Variants in CCNH observed in about 807,000 individuals in gnomAD.
CCNH encodes cyclin-H.
In CCNH, 31 loss-of-function variants were observed where a neutral mutation model predicts 41.9. The ratio of observed to expected loss-of-function variants is 0.74; its 90% CI spans 0.56 to 1.00. The LOEUF is 1.00. CCNH is among the 50% of genes least tolerant of loss of function. The pLI is 0.00. For synonymous variants in CCNH, 138 were observed against 136.1 expected, an observed-to-expected ratio of 1.01 and a Z score of -0.10; for missense variants, 362 against 388.4, an observed-to-expected ratio of 0.93 and a Z score of 0.57.
At chr5:87,324,942 T>C (rs1757112644) in intron 9 of CCNH, among the ~76,000 whole-genome samples, 1 of 152,196 alleles carries the variant, frequency 6.6e-6, no homozygotes, top group African/African-American at 2.4e-5. Context: ...AATCAGTTGC[T>C]TTTTTAATTT....
intron 9 of CCNH, among the ~76,000 whole-genome samples, chr5:87,335,194 T>G (rs1187361385): frequency 1.3e-5 from 2 of 152,116 alleles, no homozygotes; most frequent in Admixed American, 1.3e-4. Flanking sequence ...GCTGTTACTT[T>G]TGTGCACACC....
At chr5:87,349,648 G>C (rs1479054705) in intron 9 of CCNH, among the ~76,000 whole-genome samples, 1 of 151,822 alleles carries the variant, frequency 6.6e-6, no homozygotes, top group Non-Finnish European at 1.5e-5. Context: ...TGTGTTATCT[G>C]TAGGAGGAGC....
At chr5:87,379,664 C>T (rs985867892), upstream of CCNH, 1 of 1,570,450 alleles carries the variant, frequency 6.4e-7, no homozygotes, top group East Asian at 2.3e-5. Flanking sequence ...ACTATAACTA[C>T]TTGTTTTCCT....
chr5:87,389,459 T>C (rs369796839), downstream of CCNH: 11 of 1,614,204 alleles, frequency 6.8e-6, no homozygotes, highest in Admixed American at 3.3e-5. Context: ...TTTAGCAGCA[T>C]TGCATGAGAT....
downstream of CCNH, chr5:87,372,249 G>C: frequency 1.3e-6 from 2 of 1,508,838 alleles, no homozygotes; most frequent in Non-Finnish European, 1.8e-6. Context: ...CTAACACTTT[G>C]CTCTTTTTAT....
At chr5:87,322,848 G>A (rs2112341134) in intron 9 of CCNH, among the ~76,000 whole-genome samples, 1 of 152,158 alleles carries the variant, frequency 6.6e-6, no homozygotes, top group East Asian at 1.9e-4. Context: ...AGGAATCAAA[G>A]TTGCTTTTGA....
chr5:87,328,086 A>G (rs1432277223), intron 9 of CCNH, among the ~76,000 whole-genome samples: 1 of 152,154 alleles, frequency 6.6e-6, no homozygotes, highest in Non-Finnish European at 1.5e-5. Context: ...ATTTTTCAAC[A>G]TTGTTTTATG....
chr5:87,321,142 G>A (rs1580254881), intron 9 of CCNH, among the ~76,000 whole-genome samples: 1 of 152,184 alleles, frequency 6.6e-6, no homozygotes, highest in Admixed American at 6.5e-5. Flanking sequence ...AATGGAAAAC[G>A]AGAATAATTT....
downstream of CCNH, among the ~76,000 whole-genome samples, chr5:87,373,500 T>C (rs866840809): frequency 1.3e-5 from 2 of 152,226 alleles, no homozygotes; most frequent in Middle Eastern, 3.4e-3. Context: ...GTAATACTTA[T>C]TACAACCTGT....
rs1011383896 is a variant in CCNH at position 87,362,576 on chromosome 5, C to T, written c.*90+30194G>A. ...GATCAAGAACAAGTACTCAATGACACAGTGGATGGCAAGGAAATCTATAAT... is the reference window on the plus strand; with the variant it reads ...GATCAAGAACAAGTACTCAATGACATAGTGGATGGCAAGGAAATCTATAAT... On this transcript the variant is annotated intron_variant and NMD_transcript_variant, in intron 9 of 9. Coordinates refer to the CCNH transcript ENST00000645953. 1 of 1,594,478 alleles carries T rather than the reference C, an allele frequency of 6.3e-7. No homozygotes were observed. Among genetic ancestry groups the T allele is most frequent in the Non-Finnish European group, 8.6e-7 (1 of 1,162,386 alleles).
chr5:87,339,889 A>G (rs1191760503), intron 9 of CCNH, among the ~76,000 whole-genome samples: 3 of 152,102 alleles, frequency 2.0e-5, no homozygotes, highest in Non-Finnish European at 4.4e-5. Context: ...CCATTTGGAC[A>G]TTGTCTAGTC....
At chr5:87,376,262 A>G (rs1761320488) in exon 1 of CCNH, 12 of 994,998 alleles carry the variant, frequency 1.2e-5, no homozygotes, top group Non-Finnish European at 1.7e-5. Flanking sequence ...TGAATTTGTG[A>G]TGTTACTGAA....
At chr5:87,356,937 C>T (rs188068799) in intron 9 of CCNH, among the ~76,000 whole-genome samples, 15 of 152,172 alleles carry the variant, frequency 9.9e-5, no homozygotes, top group Admixed American at 9.2e-4. Flanking sequence ...TTTTTGTTTG[C>T]ATTGTTTTTT....
At chr5:87,381,518 C>T (rs190773546), upstream of CCNH, among the ~76,000 whole-genome samples, 29 of 152,280 alleles carry the variant, frequency 1.9e-4, 1 homozygote, top group East Asian at 4.6e-3. Flanking sequence ...CATTATTACA[C>T]AGTTTGTTTT....
chr5:87,370,855 G>A (rs1486769468), intron 9 of CCNH, among the ~76,000 whole-genome samples: 1 of 152,068 alleles, frequency 6.6e-6, no homozygotes, highest in African/African-American at 2.4e-5. Context: ...CTAGATCCTA[G>A]CGTGAGACTC....
At chr5:87,395,145 C>T in intron 7 of CCNH, 41 bp from the exon 8 acceptor site, 1 of 1,564,346 alleles carries the variant, frequency 6.4e-7, no homozygotes, top group Non-Finnish European at 8.7e-7. Context: ...CAATACCAGC[C>T]ACAGAAACTA....
intron 9 of CCNH, among the ~76,000 whole-genome samples, chr5:87,332,018 T>C (rs755920795): frequency 6.6e-6 from 1 of 152,166 alleles, no homozygotes; most frequent in Non-Finnish European, 1.5e-5. Context: ...AAAAATCATC[T>C]AATGCATATA....
At chr5:87,332,666 T>C in intron 9 of CCNH, 1 of 1,589,836 alleles carries the variant, frequency 6.3e-7, no homozygotes, top group Non-Finnish European at 8.6e-7. Flanking sequence ...ATAAAATATC[T>C]TTCAAAACTT....
intron 9 of CCNH, among the ~76,000 whole-genome samples, chr5:87,348,071 G>A (rs1435153008): frequency 6.6e-6 from 1 of 151,950 alleles, no homozygotes; most frequent in Non-Finnish European, 1.5e-5. Context: ...TATTCTAGAA[G>A]AAATTTAGAG....
Sources: allele counts gnomAD v4.1 joint callset (sites outside exome capture counted in the v4.1 genomes callset), GRCh38; gene constraint gnomAD v4.1.1; transcripts MANE v1.5; gene names NCBI Gene and HGNC (gene_info 2026-07-23, HGNC 2026-07-21).